The following RBM15 variants were observed in gnomAD, a reference collection of about 807,000 sequenced individuals.
The protein encoded by RBM15 is RNA-binding protein 15.
In RBM15, 8 loss-of-function variants were observed where a neutral mutation model predicts 62.6. That is an observed-to-expected ratio of 0.13 (90% confidence interval 0.07 to 0.23). RBM15 has a LOEUF of 0.23. Ranked by LOEUF, RBM15 falls within the 10% of genes least tolerant of loss-of-function variation. RBM15 has a pLI of 1.00. For synonymous variants in RBM15, 606 were observed against 505.7 expected, an observed-to-expected ratio of 1.20 and a Z score of -2.66; for missense variants, 1,144 against 1,286.5, an observed-to-expected ratio of 0.89 and a Z score of 1.69.
chr1:110,345,450 C>T, intron 1 of RBM15, 89 bp from the exon 2 acceptor site: 1 of 848,898 alleles, frequency 1.2e-6, no homozygotes, highest in South Asian at 1.4e-5. Context: ...ATTAGGAAAT[C>T]CTCTTGAGAA....
In RBM15 at chr1:110,339,789, C is replaced by A; in HGVS notation, c.384C>A (p.Ser128=). 2 of 1,603,954 alleles carry A rather than the reference C, an allele frequency of 1.2e-6. No homozygotes were observed. The highest frequency in any genetic ancestry group is 2.2e-5 in the South Asian group (2 of 90,840). Residue 128 remains serine (S), a synonymous_variant, in exon 1 of 3, where the codon TCC becomes TCA. Transcript: ENST00000369784. ...SSSSRLHSYS[S]PSTKNSSGGG... ...GTAGCCGCTTGCATAGTTATAGCTC[C>A]CCGAGCACCAAAAATTCTTCGGGCG...
In RBM15 at chr1:110,339,518, A is replaced by C. The variant is rs1570609969; in HGVS notation, c.113A>C (p.Asp38Ala). ...CGGGTTACTCAGCTCCGCGGAGACGACCTCCGACGACCCGCAACAATGAAG... is the reference window on the plus strand; with the variant it reads ...CGGGTTACTCAGCTCCGCGGAGACGCCCTCCGACGACCCGCAACAATGAAG... ...GRRVTQLRGD[D>A]LRRPATMKGK... Residue 38 changes from aspartate to alanine, a missense_variant, in exon 1 of 3, where the codon GAC becomes GCC. Coordinates refer to ENST00000369784, the MANE Select transcript of RBM15 (RefSeq NM_022768.5). The C allele has an allele frequency of 1.3e-6, 2 of 1,599,398 alleles. No homozygotes were observed. The highest frequency in any genetic ancestry group is 2.2e-5 in the South Asian group (2 of 90,206).
Position 110,340,903 on chromosome 1 carries a change from C to T in RBM15, c.1498C>T (p.Leu500=), listed in dbSNP as rs755790499. 1.2e-6 allele frequency: 2 copies of T among 1,614,226 alleles called. No individual in the cohort carries two copies. Among genetic ancestry groups the T allele is most frequent in the Admixed American group, 3.3e-5 (2 of 60,034 alleles). The change falls in exon 1 of 3, where the codon CTG becomes TTG. Residue 500 remains leucine, a synonymous_variant. Transcript: ENST00000369784. The surrounding 1 kb of genome is among the most constrained non-coding windows in gnomAD (Gnocchi z 5.8). ...TTGGGCATATATCCAGTATGAAAGC[C>T]TGGATGCAGCGCATGCTGCCTGGAC... ...DSWAYIQYES[L]DAAHAAWTHM...
At chr1:110,344,841 T>A (rs1231111863) in intron 1 of RBM15, among the ~76,000 whole-genome samples, 1 of 152,160 alleles carries the variant, frequency 6.6e-6, no homozygotes, top group Non-Finnish European at 1.5e-5. Context: ...TGTAGTTGAT[T>A]TTTCTGGAAC....
chr1:110,345,577 A>C lies in RBM15; in HGVS notation c.2902A>C (p.Lys968Gln). 1 of 1,612,108 alleles carries C rather than the reference A, an allele frequency of 6.2e-7. No individual in the cohort carries two copies. Among genetic ancestry groups the C allele is most frequent in the South Asian group, 1.1e-5 (1 of 90,706 alleles). Reference sequence around the variant, plus strand: ...GATAGGAGTTAGGTATGAGAACAAGAAGAGAGAAAACTTGGCGCTGACCCT... The same window carrying C: ...GATAGGAGTTAGGTATGAGAACAAGCAGAGAGAAAACTTGGCGCTGACCCT... ...FQIGVRYENKKRENLALTLL is the reference protein window; with the variant it reads ...FQIGVRYENKQRENLALTLL Residue 968 changes from lysine to glutamine, a missense_variant, in exon 2 of 3, where the codon AAG (lysine) becomes CAG (glutamine). By Grantham distance (53) the Lys-to-Gln change is moderately conservative. Transcript: ENST00000369784.
chr1:110,340,849 C>A lies in RBM15; in HGVS notation c.1444C>A (p.Arg482Ser), dbSNP rs749864415. Reference sequence around the variant, plus strand: ...AGAATTTGATCGATTTGGCACCATACGCACCATAGACTACCGAAAAGGTGA... The same window carrying A: ...AGAATTTGATCGATTTGGCACCATAAGCACCATAGACTACCGAAAAGGTGA... The part of the protein sequence containing the change: ...AREFDRFGTI[R>S]TIDYRKGDSW... Residue 482 changes from arginine (R) to serine (S), a missense_variant, in exon 1 of 3, where the codon CGC (arginine) becomes AGC (serine). Physicochemically the swap from Arg to Ser is moderately radical, Grantham distance 110 (BLOSUM62 -1). This residue lies in a region of RBM15 where 105 missense variants were observed against 193.6 expected (regional missense o/e 0.54). Transcript: ENST00000369784. The surrounding 1 kb of genome is among the most constrained non-coding windows in gnomAD (Gnocchi z 5.8). 32 of 1,614,176 alleles carry A rather than the reference C, an allele frequency of 2.0e-5. No individual in the cohort carries two copies. The highest frequency in any genetic ancestry group is 2.4e-5 in the Non-Finnish European group (28 of 1,180,036).
intron 1 of RBM15, chr1:110,342,731 A>G (rs1660828628): frequency 6.4e-6 from 1 of 157,188 alleles, no homozygotes; most frequent in Admixed American, 6.5e-5. Flanking sequence ...TTTTACCAGA[A>G]ATGTGTGTGA....
At chr1:110,345,985 A>G (rs1660890567) in intron 2 of RBM15, among the ~76,000 whole-genome samples, 2 of 152,138 alleles carry the variant, frequency 1.3e-5, no homozygotes, top group Non-Finnish European at 2.9e-5. Context: ...TTATAAATTG[A>G]TTGTGAAACT....
At position 110,340,222 on chromosome 1, in the gene RBM15, G is replaced by A; in HGVS notation, c.817G>A (p.Val273Ile). Residue 273 changes from valine (V) to isoleucine (I), a missense_variant, in exon 1 of 3, where the codon GTC (valine) becomes ATC (isoleucine). Physicochemically the swap from Val to Ile is conservative, Grantham distance 29. Transcript: ENST00000369784. The surrounding 1 kb of genome is among the most constrained non-coding windows in gnomAD (Gnocchi z 5.8). ...KDTYPPSASV[V>I]GASVGGHRHP... ...TACTTATCCTCCATCAGCCAGTGTGGTCGGGGCCTCTGTAGGTGGTCACCG... is the reference window on the plus strand; with the variant it reads ...TACTTATCCTCCATCAGCCAGTGTGATCGGGGCCTCTGTAGGTGGTCACCG... The A allele has an allele frequency of 6.2e-7, 1 of 1,614,196 alleles. No homozygotes were observed. The highest frequency in any genetic ancestry group is 8.5e-7 in the Non-Finnish European group (1 of 1,180,014).
chr1:110,345,426 A>G lies in RBM15; in HGVS notation c.2864-113A>G, dbSNP rs191488790. 21 of 770,018 alleles carry G rather than the reference A, an allele frequency of 2.7e-5. No homozygotes were observed. The East Asian group carries it at 5.2e-4, about 19-fold the overall frequency. 47.7% of individuals were successfully genotyped at this position (770,018 alleles called of 1,614,324 possible). A position where few individuals can be genotyped will look rare whatever the true frequency, so the allele number is the denominator to read the frequency against. On this transcript the variant is annotated intron_variant, in intron 1 of 2. Coordinates refer to ENST00000369784, the MANE Select transcript of RBM15 (RefSeq NM_022768.5). ...TCCATATAGGAACCAATCACCAAAA[A>G]CTCTGGTAACAGAATTAGGAAATCC...
At position 110,341,691 on chromosome 1, in the gene RBM15, G is replaced by A; in HGVS notation, c.2286G>A (p.Lys762=). The A allele has an allele frequency of 6.2e-7, 1 of 1,614,176 alleles. No homozygotes were observed. Residue 762 remains lysine, a synonymous_variant, in exon 1 of 3, where the codon AAG becomes AAA. Transcript: ENST00000369784. This position sits in a 1 kb window ranked among gnomAD's most constrained non-coding sequence, Gnocchi z 4.5. The part of the protein sequence containing the change: ...SAPSTSTASS[K]LKSPSQKQDG... ...CTAGCACCAGCACTGCTTCCTCCAA[G>A]CTGAAGTCCCCGTCCCAGAAACAGG... is the stretch of plus-strand genomic sequence containing the variant.
chr1:110,339,676 G>C lies in RBM15; in HGVS notation c.271G>C (p.Gly91Arg), dbSNP rs1192480295. 6.2e-7 allele frequency: 1 copy of C among 1,613,006 alleles called. No homozygotes were observed. The highest frequency in any genetic ancestry group is 8.5e-7 in the Non-Finnish European group (1 of 1,179,962). Residue 91 changes from glycine to arginine, a missense_variant, in exon 1 of 3, where the codon GGC becomes CGC. Physicochemically the swap from Gly to Arg is moderately radical, Grantham distance 125. Transcript: ENST00000369784. Reference sequence around the variant, plus strand: ...GAGCAGCAGCGGAAAGACCGATAGCGGCGGTGGGTCGCGGCGGAGTCTCCA... The same window carrying C: ...GAGCAGCAGCGGAAAGACCGATAGCCGCGGTGGGTCGCGGCGGAGTCTCCA... ...NGSSSGKTDS[G>R]GGSRRSLHLD...
chr1:110,340,756 G>A lies in RBM15; in HGVS notation c.1351G>A (p.Ala451Thr), dbSNP rs1441099560. The A allele has an allele frequency of 1.2e-6, 2 of 1,614,082 alleles. No homozygotes were observed. Among genetic ancestry groups the A allele is most frequent in the South Asian group, 1.1e-5 (1 of 91,072 alleles). The change falls in exon 1 of 3, where the codon GCT (alanine) becomes ACT (threonine). Residue 451 changes from alanine (A) to threonine (T), a missense_variant. By Grantham distance (58) the Ala-to-Thr change is moderately conservative. Around this residue, in one of 8 missense-constraint regions of RBM15, gnomAD observed 105 missense variants for 193.6 expected, o/e 0.54. Coordinates refer to ENST00000369784, the MANE Select transcript of RBM15 (RefSeq NM_022768.5). The surrounding 1 kb of genome is among the most constrained non-coding windows in gnomAD (Gnocchi z 5.8). ...RNPIKIGYGK[A>T]TPTTRLWVGG... ...TCCTATCAAAATTGGTTATGGTAAA[G>A]CTACACCCACCACCCGCCTCTGGGT...
In RBM15 at chr1:110,345,594, G is replaced by A. The variant is rs1367335585; in HGVS notation, c.2919G>A (p.Ala973=). The stretch of plus-strand genomic sequence containing the variant: ...AGAACAAGAAGAGAGAAAACTTGGC[G>A]CTGACCCTGTTATAGTGGTTATAGT... ...RYENKKRENL[A]LTLL The change falls in exon 2 of 3, where the codon GCG becomes GCA. Residue 973 remains alanine, a synonymous_variant. Coordinates refer to ENST00000369784, the MANE Select transcript of RBM15 (RefSeq NM_022768.5). The A allele has an allele frequency of 6.2e-6, 10 of 1,611,910 alleles. No homozygotes were observed. The highest frequency in any genetic ancestry group is 5.4e-5 in the African/African-American group (4 of 74,728).
chr1:110,345,615 A>C lies in RBM15; in HGVS notation c.*6A>C. Reference sequence around the variant, plus strand: ...TGGCGCTGACCCTGTTATAGTGGTTATAGTGGTGTCCCTAAAGGGAGGAAA... The same window carrying C: ...TGGCGCTGACCCTGTTATAGTGGTTCTAGTGGTGTCCCTAAAGGGAGGAAA... On this transcript the variant is annotated 3_prime_UTR_variant, in exon 2 of 3. Transcript: ENST00000369784. 6.2e-7 allele frequency: 1 copy of C among 1,603,520 alleles called. No homozygotes were observed.
rs1660805709 is a variant in RBM15, at chr1:110,341,825, A to G, written c.2420A>G (p.Gln807Arg). 1 of 1,614,224 alleles carries G rather than the reference A, an allele frequency of 6.2e-7. No individual in the cohort carries two copies. Among genetic ancestry groups the G allele is most frequent in the Middle Eastern group, 1.6e-4 (1 of 6,062 alleles). ...TTTCCTTCCAACATGCATCTGTTGC[A>G]GGGTGACCTCCAAGTGGCTAGTAGT... ...SNFPSNMHLL[Q>R]GDLQVASSLL... is the part of the protein sequence containing the mutation. Residue 807 changes from glutamine (Q) to arginine (R), a missense_variant, in exon 1 of 3, where the codon CAG becomes CGG. Transcript: ENST00000369784. The surrounding 1 kb of genome is among the most constrained non-coding windows in gnomAD (Gnocchi z 4.5).
Position 110,344,667 on chromosome 1 carries a change from G to A in RBM15, c.2864-872G>A, listed in dbSNP as rs565742082. 3.2e-4 allele frequency among the ~76,000 whole-genome samples: 48 copies of A among 152,182 alleles called. No individual in the cohort carries two copies. In the East Asian group the frequency reaches 8.9e-3, roughly 28 times the overall value. ...TTGTACTGCCCATTCTTTTGTGCAGGTTCATAATATCCATAAAGTATCTAG... is the reference window on the plus strand; with the variant it reads ...TTGTACTGCCCATTCTTTTGTGCAGATTCATAATATCCATAAAGTATCTAG... On this transcript the variant is annotated intron_variant, in intron 1 of 2. Coordinates refer to ENST00000369784, the MANE Select transcript of RBM15 (RefSeq NM_022768.5).
intron 1 of RBM15, among the ~76,000 whole-genome samples, chr1:110,343,785 C>T (rs1052317493): frequency 6.6e-6 from 1 of 152,108 alleles, no homozygotes; most frequent in Admixed American, 6.5e-5. Flanking sequence ...TAACTTGAAG[C>T]CTGGCAGAAC....
rs1433534840 is a variant in RBM15, at chr1:110,345,627, C to T, written c.*18C>T. On this transcript the variant is annotated 3_prime_UTR_variant, in exon 2 of 3. Transcript: ENST00000369784. Reference sequence around the variant, plus strand: ...TGTTATAGTGGTTATAGTGGTGTCCCTAAAGGGAGGAAATGATTTCAGGTA... The same window carrying T: ...TGTTATAGTGGTTATAGTGGTGTCCTTAAAGGGAGGAAATGATTTCAGGTA... The T allele has an allele frequency of 4.4e-6, 7 of 1,576,636 alleles. No individual in the cohort carries two copies. In the Admixed American group the frequency reaches 8.0e-5, roughly 18 times the overall value.
Sources: gnomAD v4.1 joint callset for allele counts (sites outside exome capture counted in the v4.1 genomes callset) on GRCh38, gnomAD v4.1.1 for gene constraint, gnomAD v4.1.1 regional missense constraint, Gnocchi (gnomAD v3.1) non-coding constraint, MANE v1.5 for transcripts, NCBI Gene and HGNC (gene_info 2026-07-23, HGNC 2026-07-21) for gene names.